Variants in UBE2R2 observed in about 807,000 individuals in gnomAD.
UBE2R2 encodes ubiquitin-conjugating enzyme E2 R2.
A neutral mutation model predicts 27.8 loss-of-function variants in UBE2R2; 1 was observed. The observed-to-expected ratio is 0.04, with a 90% confidence interval of 0.01 to 0.17. The LOEUF is 0.17. Ranked by LOEUF, UBE2R2 falls within the 10% of genes least tolerant of loss-of-function variation. The pLI is 1.00. For missense variants in UBE2R2, 100 were observed against 291.0 expected, an observed-to-expected ratio of 0.34 and a Z score of 4.78; for synonymous variants, 106 against 113.3, an observed-to-expected ratio of 0.94 and a Z score of 0.41.
At chr9:33,885,087 G>A (rs758893377) in intron 1 of UBE2R2, among the ~76,000 whole-genome samples, 11 of 152,180 alleles carry the variant, frequency 7.2e-5, no homozygotes, top group Admixed American at 1.3e-4. Context: ...GAGGCTCTGC[G>A]TATGTGTCAT....
At chr9:33,820,377 G>A (rs758912259) in intron 1 of UBE2R2, among the ~76,000 whole-genome samples, 1 of 152,202 alleles carries the variant, frequency 6.6e-6, no homozygotes, top group Non-Finnish European at 1.5e-5. Flanking sequence ...ATGAAAATTT[G>A]TAAACAGGTT....
intron 3 of UBE2R2, among the ~76,000 whole-genome samples, chr9:33,911,731 CTTGT>C (rs1184339377): frequency 6.6e-6 from 1 of 152,012 alleles, no homozygotes; most frequent in Admixed American, 6.5e-5. Context: ...CAGTTAGCAG[CTTGT>C]TTCTTAGTGC....
chr9:33,818,189 A>G (rs1000653250), intron 1 of UBE2R2, among the ~76,000 whole-genome samples: 24 of 151,854 alleles, frequency 1.6e-4, no homozygotes, highest in Non-Finnish European at 2.6e-4. Context: ...CTCTCTGGTT[A>G]GGGTAGTGTC....
intron 1 of UBE2R2, among the ~76,000 whole-genome samples, chr9:33,822,186 G>T (rs532586369): frequency 1.7e-4 from 25 of 151,354 alleles, no homozygotes; most frequent in African/African-American, 5.6e-4. Context: ...CCGCCTCCTG[G>T]GTTCAAGCGA....
At chr9:33,846,780 T>C (rs1325105286) in intron 1 of UBE2R2, among the ~76,000 whole-genome samples, 1 of 152,194 alleles carries the variant, frequency 6.6e-6, no homozygotes, top group African/African-American at 2.4e-5. Flanking sequence ...AAACTTTATT[T>C]ATTGAGTTTT....
chr9:33,886,827 C>T, intron 1 of UBE2R2, 54 bp from the exon 2 acceptor site: 8 of 1,416,380 alleles, frequency 5.6e-6, no homozygotes, highest in Non-Finnish European at 7.7e-6. Context: ...AATTATTAGG[C>T]AGATGAATAA....
intron 2 of UBE2R2, among the ~76,000 whole-genome samples, chr9:33,897,006 G>C (rs1822122603): frequency 7.0e-6 from 1 of 142,054 alleles, no homozygotes; most frequent in Non-Finnish European, 1.5e-5. Flanking sequence ...GAACCAAGTA[G>C]CATACTTCTG....
rs555317715 is a variant in UBE2R2, at chr9:33,883,664, G to A, written c.178-3217G>A. Reference sequence around the variant, plus strand: ...CTGGAGGTGGAGGTTGCAGTGAGCCGAGATTGCACCACTGCCCTCCAGCCT... The same window carrying A: ...CTGGAGGTGGAGGTTGCAGTGAGCCAAGATTGCACCACTGCCCTCCAGCCT... On this transcript the variant is annotated intron_variant, in intron 1 of 4. Coordinates refer to ENST00000263228, the MANE Select transcript of UBE2R2 (RefSeq NM_017811.4). 9.7e-5 allele frequency among the ~76,000 whole-genome samples: 14 copies of A among 143,854 alleles called. No individual in the cohort carries two copies. The East Asian group carries it at 2.8e-3, about 29-fold the overall frequency. The allele number at this position is 143,854 out of a possible 152,430, so 94.4% of individuals were successfully genotyped here. A position where few individuals can be genotyped will look rare whatever the true frequency, so the allele number is the denominator to read the frequency against.
At chr9:33,867,954 G>C (rs972895854) in intron 1 of UBE2R2, among the ~76,000 whole-genome samples, 1 of 152,200 alleles carries the variant, frequency 6.6e-6, no homozygotes, top group African/African-American at 2.4e-5. Context: ...GGTCAGTCAG[G>C]ATGGTGGCCC....
At chr9:33,822,926 G>A (rs1410240233) in intron 1 of UBE2R2, among the ~76,000 whole-genome samples, 1 of 70,082 alleles carries the variant, frequency 1.4e-5, no homozygotes, top group African/African-American at 6.3e-5. Context: ...TTTTTTTTTA[G>A]CTGAGTCTCG....
At chr9:33,862,421 C>T (rs985558433) in intron 1 of UBE2R2, among the ~76,000 whole-genome samples, 6 of 152,104 alleles carry the variant, frequency 3.9e-5, no homozygotes, top group Non-Finnish European at 8.8e-5. Context: ...GACAGAACTG[C>T]CAAAGATAGT....
At chr9:33,834,890 A>G (rs1820581118) in intron 1 of UBE2R2, among the ~76,000 whole-genome samples, 1 of 151,150 alleles carries the variant, frequency 6.6e-6, no homozygotes, top group Admixed American at 6.6e-5. Context: ...AGCCTGGGCA[A>G]CAAGACCGAA....
chr9:33,839,595 T>G (rs1820688145), intron 1 of UBE2R2, among the ~76,000 whole-genome samples: 1 of 152,150 alleles, frequency 6.6e-6, no homozygotes. Flanking sequence ...TTTTCACTAC[T>G]TGAGAATGCA....
rs1037325380 is a variant in UBE2R2, at chr9:33,891,048, T to TTTTTTTGTTTTTTTG, written c.264+4095_264+4096insGTTTTTTGTTTTTTT. On this transcript the variant is annotated intron_variant, in intron 2 of 4. Transcript: ENST00000263228. ...TGTCATGTTTTTTGTTGTTGTTGTGTTTTTTTGTTTTTTTTTTTTGAGATG... is the reference window on the plus strand; with the variant it reads ...TGTCATGTTTTTTGTTGTTGTTGTGTTTTTTTGTTTTTTTGTTTTTTGTTTTTTTTTTTTGAGATG... 3.1e-4 allele frequency among the ~76,000 whole-genome samples: 15 copies of TTTTTTTGTTTTTTTG among 48,080 alleles called. 1 individual carries two copies. Among genetic ancestry groups the TTTTTTTGTTTTTTTG allele is most frequent in the Non-Finnish European group, 5.6e-4 (13 of 23,102 alleles). 31.5% of individuals were successfully genotyped at this position (48,080 alleles called of 152,430 possible).
chr9:33,843,631 A>C (rs965430879), intron 1 of UBE2R2, among the ~76,000 whole-genome samples: 2 of 151,698 alleles, frequency 1.3e-5, no homozygotes, highest in Non-Finnish European at 2.9e-5. Context: ...GGCTCGCGCC[A>C]CCACACCTGG....
At chr9:33,901,954 C>T (rs1449138125) in intron 3 of UBE2R2, among the ~76,000 whole-genome samples, 1 of 149,684 alleles carries the variant, frequency 6.7e-6, no homozygotes, top group Non-Finnish European at 1.5e-5. Flanking sequence ...TGCTCTGTCG[C>T]CCAGGCTGGA....
At chr9:33,877,813 CTGTCTGTCTG>C in intron 1 of UBE2R2, among the ~76,000 whole-genome samples, 1 of 143,136 alleles carries the variant, frequency 7.0e-6, no homozygotes, top group Non-Finnish European at 1.5e-5. Context: ...GTCTGTCTGT[CTGTCTGTCTG>C]TCTCTCTCTC....
At chr9:33,853,406 C>T (rs1228656481) in intron 1 of UBE2R2, among the ~76,000 whole-genome samples, 3 of 150,984 alleles carry the variant, frequency 2.0e-5, no homozygotes, top group Non-Finnish European at 4.4e-5. Flanking sequence ...TCTGCCTCAG[C>T]CTCCTGAATA....
At chr9:33,899,613 T>TC (rs1331299976) in intron 2 of UBE2R2, among the ~76,000 whole-genome samples, 2 of 152,204 alleles carry the variant, frequency 1.3e-5, no homozygotes, top group Non-Finnish European at 2.9e-5. Flanking sequence ...GACCTTGTGA[T>TC]CTGCCCACCT....
Sources: gnomAD v4.1 joint callset for allele counts (sites outside exome capture counted in the v4.1 genomes callset) on GRCh38, gnomAD v4.1.1 for gene constraint, MANE v1.5 for transcripts, NCBI Gene and HGNC (gene_info 2026-07-23, HGNC 2026-07-21) for gene names.